The following MLIP variants were observed in gnomAD, a reference collection of about 807,000 sequenced individuals.
The protein encoded by MLIP is muscular LMNA interacting protein.
A neutral mutation model predicts 84.8 loss-of-function variants in MLIP; 79 were observed. The ratio of observed to expected loss-of-function variants is 0.93; its 90% CI spans 0.78 to 1.12. The LOEUF (loss-of-function observed/expected upper bound fraction) is 1.12, where lower values mean the gene tolerates loss of function less well. Ranked by LOEUF, MLIP falls within the 50% of genes most tolerant of loss-of-function variation. MLIP has a pLI of 0.00. For missense variants in MLIP, 1,257 were observed against 1,160.6 expected (o/e 1.08, Z -1.21); for synonymous variants, 504 against 463.0 (o/e 1.09, Z -1.14).
At chr6:54,244,553 A>G (rs1394319296) in intron 12 of MLIP, among the ~76,000 whole-genome samples, 4 of 152,162 alleles carry the variant, frequency 2.6e-5, no homozygotes, top group African/African-American at 4.8e-5. Flanking sequence ...ATTTTAAGAG[A>G]AGTGGTTTTG....
chr6:54,118,043 A>G (rs761987740), intron 1 of MLIP, among the ~76,000 whole-genome samples: 10 of 152,234 alleles, frequency 6.6e-5, no homozygotes, highest in African/African-American at 2.4e-4. Flanking sequence ...AAATGGAAAG[A>G]TATACTGTGT....
intron 10 of MLIP, among the ~76,000 whole-genome samples, chr6:54,192,431 A>G (rs1459200290): frequency 6.6e-6 from 1 of 152,040 alleles, no homozygotes; most frequent in East Asian, 1.9e-4. Flanking sequence ...GATTGTATGT[A>G]AGACATATTA....
chr6:54,041,843 A>T (rs1359928997), intron 1 of MLIP, among the ~76,000 whole-genome samples: 3 of 152,114 alleles, frequency 2.0e-5, no homozygotes, highest in Non-Finnish European at 4.4e-5. Context: ...ATTCCTGATT[A>T]TATAGGCTGT....
At chr6:54,149,008 T>G in intron 4 of MLIP, 48 bp from the exon 5 acceptor site, 1 of 1,472,112 alleles carries the variant, frequency 6.8e-7, no homozygotes, top group Non-Finnish European at 9.5e-7. Flanking sequence ...TATGTCATAT[T>G]CTTTCCCATT....
chr6:54,144,875 A>G (rs746938080), intron 4 of MLIP, among the ~76,000 whole-genome samples: 8 of 152,180 alleles, frequency 5.3e-5, no homozygotes, highest in Non-Finnish European at 1.2e-4. Flanking sequence ...CTTTAGTGGA[A>G]AATATTTTCT....
At chr6:54,218,071 G>T in intron 11 of MLIP, 2 of 841,174 alleles carry the variant, frequency 2.4e-6, no homozygotes, top group Non-Finnish European at 2.9e-6. Context: ...TATAAATAAA[G>T]TATTATTGGA....
At chr6:54,262,929 G>A (rs895423829) in intron 13 of MLIP, among the ~76,000 whole-genome samples, 2 of 152,040 alleles carry the variant, frequency 1.3e-5, no homozygotes, top group African/African-American at 2.4e-5. Context: ...TTCTGAAGTA[G>A]CCAATAAAAA....
intron 3 of MLIP, among the ~76,000 whole-genome samples, chr6:54,130,180 G>A (rs955890674): frequency 2.0e-5 from 3 of 152,132 alleles, no homozygotes; most frequent in East Asian, 3.9e-4. Context: ...CTGAATGGTA[G>A]CTTGTTATTT....
intron 5 of MLIP, among the ~76,000 whole-genome samples, chr6:54,159,683 C>A (rs932158643): frequency 2.0e-5 from 3 of 151,912 alleles, no homozygotes; most frequent in Admixed American, 6.6e-5. Context: ...CATACAGAAA[C>A]CAGAAAGTAG....
At chr6:54,182,768 A>G (rs1257825232) in intron 9 of MLIP, among the ~76,000 whole-genome samples, 1 of 152,232 alleles carries the variant, frequency 6.6e-6, no homozygotes, top group African/African-American at 2.4e-5. Context: ...TCAAAACCAT[A>G]GTATGCTTTC....
intron 1 of MLIP, among the ~76,000 whole-genome samples, chr6:54,115,540 G>T (rs1463943794): frequency 6.6e-6 from 1 of 152,060 alleles, no homozygotes; most frequent in African/African-American, 2.4e-5. Flanking sequence ...GGGATGTGAG[G>T]GGCAAGGAAG....
intron 1 of MLIP, among the ~76,000 whole-genome samples, chr6:54,086,819 C>A (rs1490080656): frequency 1.3e-5 from 2 of 152,130 alleles, no homozygotes; most frequent in Non-Finnish European, 2.9e-5. Context: ...TAATTTATTT[C>A]TTCACTTCCT....
At chr6:54,228,748 A>G (rs779735606) in intron 11 of MLIP, among the ~76,000 whole-genome samples, 31 of 152,318 alleles carry the variant, frequency 2.0e-4, no homozygotes, top group African/African-American at 6.5e-4. Flanking sequence ...ACACCCTCCA[A>G]GAAAAAACTG....
chr6:54,201,788 ACT>A (rs2150713536), intron 10 of MLIP, among the ~76,000 whole-genome samples: 1 of 152,248 alleles, frequency 6.6e-6, no homozygotes, highest in Non-Finnish European at 1.5e-5. Flanking sequence ...CACAGAGAAG[ACT>A]CTCAATAAAT....
Position 54,175,356 on chromosome 6 carries a change from T to C in MLIP, c.2544+5784T>C, listed in dbSNP as rs146824821. On this transcript the variant is annotated intron_variant, in intron 9 of 13. Coordinates refer to ENST00000502396, the MANE Select transcript of MLIP (RefSeq NM_001281747.2). ...GGGTAGTATGGACATTATAACAATATTGATTCTTTAAATCCAAGAACATGG... is the reference window on the plus strand; with the variant it reads ...GGGTAGTATGGACATTATAACAATACTGATTCTTTAAATCCAAGAACATGG... Among the ~76,000 whole-genome samples, 40 of 152,270 alleles carry C rather than the reference T, an allele frequency of 2.6e-4. No individual in the cohort carries two copies. The East Asian group carries it at 4.2e-3, about 16-fold the overall frequency.
At chr6:54,263,069 G>C (rs1783487066) in intron 13 of MLIP, among the ~76,000 whole-genome samples, 1 of 152,040 alleles carries the variant, frequency 6.6e-6, no homozygotes, top group African/African-American at 2.4e-5. Flanking sequence ...GTTTGATATT[G>C]TAGTGAGTCA....
chr6:54,123,506 G>T (rs1430512605), intron 2 of MLIP, among the ~76,000 whole-genome samples: 1 of 152,092 alleles, frequency 6.6e-6, no homozygotes, highest in African/African-American at 2.4e-5. Context: ...AATAATGTGG[G>T]TGTATAAAAT....
At chr6:54,232,884 A>G (rs1486378635) in intron 12 of MLIP, among the ~76,000 whole-genome samples, 1 of 152,196 alleles carries the variant, frequency 6.6e-6, no homozygotes, top group Non-Finnish European at 1.5e-5. Context: ...CAGTCTTTAG[A>G]GTCCCTCTTC....
At chr6:54,127,105 G>A (rs964365918) in intron 3 of MLIP, among the ~76,000 whole-genome samples, 1 of 151,892 alleles carries the variant, frequency 6.6e-6, no homozygotes, top group Non-Finnish European at 1.5e-5. Context: ...TTTGACCTAG[G>A]CTACTTGATA....
Sources: allele counts gnomAD v4.1 joint callset (sites outside exome capture counted in the v4.1 genomes callset), GRCh38; gene constraint gnomAD v4.1.1; transcripts MANE v1.5; gene names NCBI Gene and HGNC (gene_info 2026-07-23, HGNC 2026-07-21).